PHACTR3: variants seen among roughly 807,000 people sequenced by gnomAD.
The protein encoded by PHACTR3 is phosphatase and actin regulator 3, also known as protein phosphatase 1, regulatory subunit 123.
PHACTR3 carries 16 observed loss-of-function variants against 66.8 expected under a neutral mutation model. That is an observed-to-expected ratio of 0.24 (90% CI 0.16 to 0.36). The LOEUF (loss-of-function observed/expected upper bound fraction) is 0.36. Ranked by LOEUF, PHACTR3 falls within the 10% of genes least tolerant of loss-of-function variation. PHACTR3 has a pLI of 1.00. For missense variants in PHACTR3, 647 were observed against 719.9 expected, an observed-to-expected ratio of 0.90 and a Z score of 1.16; for synonymous variants, 323 against 292.1, an observed-to-expected ratio of 1.11 and a Z score of -1.08.
chr20:59,754,309 C>T (rs2039705833), intron 3 of PHACTR3, among the ~76,000 whole-genome samples: 1 of 152,232 alleles, frequency 6.6e-6, no homozygotes, highest in East Asian at 1.9e-4. Context: ...GCACCAGGTC[C>T]TTCCTTATGC....
intron 1 of PHACTR3, among the ~76,000 whole-genome samples, chr20:59,619,477 T>A (rs2034159020): frequency 6.6e-6 from 1 of 151,850 alleles, no homozygotes; most frequent in African/African-American, 2.4e-5. Flanking sequence ...ACACCCTGAG[T>A]GAGCACGGAA....
In PHACTR3 at chr20:59,829,388, C is replaced by G. The variant is rs924544508; in HGVS notation, c.1329-7117C>G. ...GGGCGGTTTCTTTCATCATCCAGGC[C>G]TCATCTTATGGCCTGGAGAGTCCTC... On this transcript the variant is annotated intron_variant, in intron 8 of 12. Transcript: ENST00000371015. This position sits in a 1 kb window ranked among gnomAD's most constrained non-coding sequence, Gnocchi z 4.2. Among the ~76,000 whole-genome samples the G allele has an allele frequency of 1.1e-4, 17 of 152,202 alleles. No homozygotes were observed. Among genetic ancestry groups the G allele is most frequent in the Non-Finnish European group, 2.4e-4 (16 of 68,022 alleles).
chr20:59,796,275 C>T (rs1470856515), intron 7 of PHACTR3, among the ~76,000 whole-genome samples: 5 of 152,084 alleles, frequency 3.3e-5, no homozygotes, highest in Non-Finnish European at 7.4e-5. Flanking sequence ...TTTAATTATG[C>T]TGCCTTAATT....
intron 9 of PHACTR3, among the ~76,000 whole-genome samples, chr20:59,839,174 A>C (rs902016076): frequency 2.6e-5 from 4 of 152,142 alleles, no homozygotes; most frequent in Non-Finnish European, 4.4e-5. Context: ...CCTTGTCTGG[A>C]CACTTTCACA....
chr20:59,822,388 G>C (rs374737422), intron 8 of PHACTR3, among the ~76,000 whole-genome samples: 29 of 149,594 alleles, frequency 1.9e-4, no homozygotes, highest in African/African-American at 6.7e-4. Context: ...AAGCAGATGC[G>C]GGGGCTGCCT....
At chr20:59,642,412 C>G (rs1365899405) in intron 1 of PHACTR3, among the ~76,000 whole-genome samples, 1 of 150,456 alleles carries the variant, frequency 6.6e-6, no homozygotes, top group Non-Finnish European at 1.5e-5. Context: ...TCACAAATCC[C>G]CCCACCCCCA....
rs147909943 is a variant in PHACTR3, at chr20:59,579,431, G to T, written c.109+1814G>T. ...GCACTGATCTAGATGCTGGGATGCT[G>T]CGGGGAGCAGGGAGGCCCTGAGGTG... On this transcript the variant is annotated intron_variant, in intron 1 of 12. Transcript: ENST00000359926. Among the ~76,000 whole-genome samples, 328 of 152,352 alleles carry T rather than the reference G, an allele frequency of 2.2e-3. 1 individual carries two copies. Among genetic ancestry groups the T allele is most frequent in the African/African-American group, 7.7e-3 (319 of 41,586 alleles).
In PHACTR3 at chr20:59,729,698, C is replaced by T. The variant is rs554409244; in HGVS notation, c.119-13409C>T. Among the ~76,000 whole-genome samples, 7 of 152,272 alleles carry T rather than the reference C, an allele frequency of 4.6e-5. No homozygotes were observed. The East Asian group carries it at 1.4e-3, about 29-fold the overall frequency. On this transcript the variant is annotated intron_variant, in intron 1 of 12. Coordinates refer to ENST00000371015, the MANE Select transcript of PHACTR3 (RefSeq NM_080672.5). ...GTCAGCTGCTCCCGGAAAGCCCGCA[C>T]TGCATGACTTGCTGGTTTGTTGGAA...
At chr20:59,679,316 G>A (rs990068405) in intron 1 of PHACTR3, among the ~76,000 whole-genome samples, 1 of 152,110 alleles carries the variant, frequency 6.6e-6, no homozygotes, top group Non-Finnish European at 1.5e-5. Context: ...ACTTTGAGAT[G>A]GCCAACAGCA....
At chr20:59,587,191 C>T (rs1321815344) in intron 1 of PHACTR3, among the ~76,000 whole-genome samples, 1 of 152,224 alleles carries the variant, frequency 6.6e-6, no homozygotes, top group Admixed American at 6.5e-5. Context: ...TGGTTCTCTC[C>T]ACCTGTCCTC....
chr20:59,815,387 C>T (rs1184636268), intron 8 of PHACTR3, among the ~76,000 whole-genome samples: 1 of 150,156 alleles, frequency 6.7e-6, no homozygotes, highest in African/African-American at 2.5e-5. Context: ...GCAGTTGTGG[C>T]AGGAAAGACT....
intron 3 of PHACTR3, among the ~76,000 whole-genome samples, chr20:59,750,838 T>C (rs1177457405): frequency 6.6e-6 from 1 of 152,100 alleles, no homozygotes; most frequent in Non-Finnish European, 1.5e-5. Flanking sequence ...CAACCTGTAA[T>C]CAACGTGCTG....
chr20:59,716,918 G>A (rs552710562), intron 1 of PHACTR3, among the ~76,000 whole-genome samples: 1 of 152,310 alleles, frequency 6.6e-6, no homozygotes, highest in Non-Finnish European at 1.5e-5. Context: ...AAGCGTGGGT[G>A]AAGGCTGAAT....
At position 59,795,990 on chromosome 20, in the gene PHACTR3, C is replaced by G. The variant is rs6027114; in HGVS notation, c.1175-10051C>G. 4.4e-3 allele frequency among the ~76,000 whole-genome samples: 671 copies of G among 152,090 alleles called. 3 individuals are homozygous for G. Among genetic ancestry groups the G allele is most frequent in the African/African-American group, 0.016 (646 of 41,544 alleles). ...AAGTTAGTATTGATGGGTAAATACT[C>G]CTGCCATTTTGTTAGTTGTTTTCTG... On this transcript the variant is annotated intron_variant, in intron 7 of 12. Transcript: ENST00000371015.
chr20:59,651,087 A>G (rs1028231639), intron 1 of PHACTR3, among the ~76,000 whole-genome samples: 6 of 152,138 alleles, frequency 3.9e-5, no homozygotes, highest in African/African-American at 1.4e-4. Context: ...TGGGTTGACC[A>G]TGGTGGTGTA....
chr20:59,616,118 A>C (rs572192689), intron 1 of PHACTR3, among the ~76,000 whole-genome samples: 1 of 152,144 alleles, frequency 6.6e-6, no homozygotes, highest in Non-Finnish European at 1.5e-5. Context: ...TCTCTGATCC[A>C]CAGTTTTCCC....
chr20:59,773,244 G>A, intron 5 of PHACTR3, 35 bp from the exon 6 acceptor site: 11 of 1,593,592 alleles, frequency 6.9e-6, no homozygotes, highest in Non-Finnish European at 9.4e-6. Flanking sequence ...AGCTCCTGAA[G>A]ACCTATGTTC....
intron 4 of PHACTR3, among the ~76,000 whole-genome samples, chr20:59,756,606 C>T (rs980805132): frequency 8.5e-5 from 13 of 152,096 alleles, no homozygotes; most frequent in Non-Finnish European, 1.3e-4. Flanking sequence ...CCAGCTCTCA[C>T]GCAGAGGCCC....
intron 1 of PHACTR3, among the ~76,000 whole-genome samples, chr20:59,579,974 A>G (rs1029428272): frequency 1.3e-5 from 2 of 152,002 alleles, no homozygotes; most frequent in Admixed American, 1.3e-4. Flanking sequence ...TGGGAGAGGA[A>G]GCGCGCATTC....
Sources: allele counts gnomAD v4.1 joint callset (sites outside exome capture counted in the v4.1 genomes callset), GRCh38; gene constraint gnomAD v4.1.1; non-coding constraint Gnocchi (gnomAD v3.1); transcripts MANE v1.5; gene names NCBI Gene and HGNC (gene_info 2026-07-23, HGNC 2026-07-21).